LYPLAL1: variants seen among roughly 807,000 people sequenced by gnomAD.
LYPLAL1 encodes lysophospholipase-like protein 1.
LYPLAL1 carries 23 observed loss-of-function variants against 19.7 expected under a neutral mutation model. That is an observed-to-expected ratio of 1.17 (90% confidence interval 0.84 to 1.65). LYPLAL1 has a LOEUF of 1.65. LYPLAL1 is among the 40% of genes most tolerant of loss of function. LYPLAL1 has a pLI of 0.00. For synonymous variants in LYPLAL1, 119 were observed against 96.3 expected (o/e 1.24, Z -1.38); for missense variants, 355 against 279.4 (o/e 1.27, Z -1.93).
chr1:219,423,694 A>G, the LYPLAL1 span, among the ~76,000 whole-genome samples: 2 of 152,106 alleles, frequency 1.3e-5, no homozygotes, highest in African/African-American at 2.4e-5. Flanking sequence ...TTTAATTAGA[A>G]CCTCACAATA....
chr1:219,360,060 T>G, the LYPLAL1 span, among the ~76,000 whole-genome samples: 11 of 152,238 alleles, frequency 7.2e-5, no homozygotes, highest in East Asian at 2.1e-3. Flanking sequence ...ATCAGTAACT[T>G]TGGGAAATTC....
At chr1:219,412,126 G>C in the LYPLAL1 span, among the ~76,000 whole-genome samples, 1 of 152,032 alleles carries the variant, frequency 6.6e-6, no homozygotes, top group Non-Finnish European at 1.5e-5. Context: ...TTATCTCACC[G>C]CAGCCTCAAA....
At chr1:219,262,409 T>C in the LYPLAL1 span, among the ~76,000 whole-genome samples, 1 of 152,264 alleles carries the variant, frequency 6.6e-6, no homozygotes, top group African/African-American at 2.4e-5. Flanking sequence ...TATAAAACCT[T>C]GTTTCATCAT....
the LYPLAL1 span, among the ~76,000 whole-genome samples, chr1:219,377,004 C>T: frequency 1.3e-5 from 2 of 152,168 alleles, no homozygotes; most frequent in Admixed American, 1.3e-4. Context: ...GAATTGAAGG[C>T]AGTGTCTCAA....
At chr1:219,229,655 C>G in the LYPLAL1 span, among the ~76,000 whole-genome samples, 2 of 152,214 alleles carry the variant, frequency 1.3e-5, no homozygotes, top group Admixed American at 1.3e-4. Context: ...AATACACGCC[C>G]ACTAGGGCTT....
At chr1:219,272,030 G>A in the LYPLAL1 span, 3 of 152,300 alleles carry the variant, frequency 2.0e-5, no homozygotes, top group Non-Finnish European at 2.9e-5. Flanking sequence ...TAAGGTTGCA[G>A]TCCCTGTTGG....
At chr1:219,385,285 A>G in the LYPLAL1 span, among the ~76,000 whole-genome samples, 5 of 152,150 alleles carry the variant, frequency 3.3e-5, no homozygotes, top group African/African-American at 1.2e-4. Flanking sequence ...CAGTTCTGAG[A>G]TAGAGTGGAA....
the LYPLAL1 span, among the ~76,000 whole-genome samples, chr1:219,421,894 C>T: frequency 6.6e-6 from 1 of 152,248 alleles, no homozygotes; most frequent in South Asian, 2.1e-4. Flanking sequence ...GGTGGTTACT[C>T]TTTGTTATTA....
chr1:219,329,511 T>C, the LYPLAL1 span, among the ~76,000 whole-genome samples: 1 of 152,166 alleles, frequency 6.6e-6, no homozygotes, highest in Non-Finnish European at 1.5e-5. Context: ...CAAATAGGTA[T>C]GCAAAAAATT....
chr1:219,366,228 A>G, the LYPLAL1 span, among the ~76,000 whole-genome samples: 1 of 152,200 alleles, frequency 6.6e-6, no homozygotes, highest in Non-Finnish European at 1.5e-5. Flanking sequence ...ATAATTGCAA[A>G]TGATAATGAA....
chr1:219,223,853 C>T, the LYPLAL1 span, among the ~76,000 whole-genome samples: 2 of 151,974 alleles, frequency 1.3e-5, no homozygotes. Flanking sequence ...GTGATAAATT[C>T]ATAATTGGTA....
the LYPLAL1 span, among the ~76,000 whole-genome samples, chr1:219,266,352 G>A: frequency 6.6e-6 from 1 of 152,066 alleles, no homozygotes; most frequent in Non-Finnish European, 1.5e-5. Flanking sequence ...CAGAGGATCA[G>A]GGTCATCAAT....
chr1:219,215,361 T>C (rs1195153384), downstream of LYPLAL1, among the ~76,000 whole-genome samples: 3 of 152,174 alleles, frequency 2.0e-5, no homozygotes, highest in South Asian at 2.1e-4. Flanking sequence ...GTATCTATTG[T>C]GTCTTTTTAT....
chr1:219,445,411 G>C, the LYPLAL1 span, among the ~76,000 whole-genome samples: 8 of 108,962 alleles, frequency 7.3e-5, no homozygotes, highest in East Asian at 3.4e-4. Flanking sequence ...TTCAAATTGG[G>C]GGGGGGGCGG....
At chr1:219,181,801 T>C (rs1656316006) in intron 2 of LYPLAL1, among the ~76,000 whole-genome samples, 1 of 152,180 alleles carries the variant, frequency 6.6e-6, no homozygotes, top group South Asian at 2.1e-4. Flanking sequence ...TATGCTGGAC[T>C]AATTTTCTAG....
the LYPLAL1 span, among the ~76,000 whole-genome samples, chr1:219,277,587 T>A: frequency 1.3e-5 from 2 of 152,152 alleles, no homozygotes; most frequent in Non-Finnish European, 2.9e-5. Context: ...AGCACCACAT[T>A]TTAGGATCAG....
the LYPLAL1 span, among the ~76,000 whole-genome samples, chr1:219,318,928 C>T: frequency 6.6e-6 from 1 of 152,164 alleles, no homozygotes; most frequent in African/African-American, 2.4e-5. Flanking sequence ...GTTTTTCTTT[C>T]CGGGAGAAGA....
At chr1:219,386,680 T>C in the LYPLAL1 span, among the ~76,000 whole-genome samples, 1 of 152,318 alleles carries the variant, frequency 6.6e-6, no homozygotes, top group South Asian at 2.1e-4. Flanking sequence ...GACTCTTCCT[T>C]TTAGATGTCT....
At chr1:219,390,161 A>G in the LYPLAL1 span, among the ~76,000 whole-genome samples, 5 of 152,154 alleles carry the variant, frequency 3.3e-5, no homozygotes, top group African/African-American at 4.8e-5. Context: ...TGTGTAAATG[A>G]CAGAAGTGGG....
Sources: gnomAD v4.1 joint callset for allele counts (sites outside exome capture counted in the v4.1 genomes callset) on GRCh38, gnomAD v4.1.1 for gene constraint, MANE v1.5 for transcripts, NCBI Gene and HGNC (gene_info 2026-07-23, HGNC 2026-07-21) for gene names.